The following CDK8 variants were observed in gnomAD, a reference collection of about 807,000 sequenced individuals.
CDK8 encodes the protein cyclin dependent kinase 8.
A neutral mutation model predicts 71.5 loss-of-function variants in CDK8; 29 were observed. The observed-to-expected ratio is 0.41, with a 90% CI of 0.30 to 0.55. The LOEUF (loss-of-function observed/expected upper bound fraction) is 0.55, where lower values mean the gene tolerates loss of function less well. Ranked by LOEUF, CDK8 falls within the 20% of genes least tolerant of loss-of-function variation. The pLI is 0.37. For missense variants in CDK8, 288 were observed against 572.6 expected, an observed-to-expected ratio of 0.50 and a Z score of 5.07; for synonymous variants, 161 against 192.1, an observed-to-expected ratio of 0.84 and a Z score of 1.34.
intron 1 of CDK8, among the ~76,000 whole-genome samples, chr13:26,303,554 C>T (rs533415109): frequency 2.6e-4 from 39 of 152,110 alleles, no homozygotes; most frequent in African/African-American, 7.0e-4. Context: ...TGAGCCACCA[C>T]GCCTGGCCTA....
chr13:26,389,866 C>T (rs1455580212), intron 6 of CDK8, among the ~76,000 whole-genome samples: 4 of 151,928 alleles, frequency 2.6e-5, no homozygotes, highest in African/African-American at 4.8e-5. Flanking sequence ...GGCATGGTGG[C>T]GGGCACCTGT....
intron 1 of CDK8, among the ~76,000 whole-genome samples, chr13:26,268,790 A>C (rs1872161266): frequency 6.6e-6 from 1 of 152,126 alleles, no homozygotes; most frequent in African/African-American, 2.4e-5. Context: ...ATTTGTGACA[A>C]ATGATTGATG....
chr13:26,288,169 G>A (rs1413438273), intron 1 of CDK8, among the ~76,000 whole-genome samples: 2 of 152,060 alleles, frequency 1.3e-5, no homozygotes, highest in African/African-American at 2.4e-5. Context: ...TCACCATGCT[G>A]GCCAGGCTGA....
chr13:26,387,828 G>A (rs191772360), intron 6 of CDK8, among the ~76,000 whole-genome samples: 1 of 152,102 alleles, frequency 6.6e-6, no homozygotes, highest in African/African-American at 2.4e-5. Context: ...GGATTACATA[G>A]TCTAAAATAG....
At chr13:26,391,305 C>T (rs773852134) in intron 6 of CDK8, among the ~76,000 whole-genome samples, 9 of 152,052 alleles carry the variant, frequency 5.9e-5, no homozygotes, top group Non-Finnish European at 8.8e-5. Flanking sequence ...TAGGGTCTTG[C>T]TATGTTGTCA....
At chr13:26,297,215 T>C (rs1040163726) in intron 1 of CDK8, among the ~76,000 whole-genome samples, 2 of 152,210 alleles carry the variant, frequency 1.3e-5, no homozygotes, top group African/African-American at 4.8e-5. Flanking sequence ...TCACTCTGAT[T>C]GTATGCTTTG....
chr13:26,290,483 C>A (rs1873242856), intron 1 of CDK8, among the ~76,000 whole-genome samples: 1 of 152,170 alleles, frequency 6.6e-6, no homozygotes, highest in Non-Finnish European at 1.5e-5. Flanking sequence ...AAACGGTCAT[C>A]ACACCCAGAC....
intron 1 of CDK8, among the ~76,000 whole-genome samples, chr13:26,271,806 CTTTTTTTTTTTTTTTTTTTTTTTTTT>C (rs58160694): frequency 1.6e-5 from 1 of 62,684 alleles, no homozygotes; most frequent in African/African-American, 8.7e-5. Flanking sequence ...GAGACCCTGT[CTTTTTTTTTTTTTTTTTTTTTTTTTT>C]TTTTTTTTTT....
intron 1 of CDK8, among the ~76,000 whole-genome samples, chr13:26,324,473 A>C (rs950043616): frequency 1.3e-5 from 2 of 152,212 alleles, no homozygotes; most frequent in Non-Finnish European, 2.9e-5. Context: ...TTATAGTAAC[A>C]CTTGGAGTAT....
chr13:26,289,285 C>T (rs1449257252), intron 1 of CDK8, among the ~76,000 whole-genome samples: 1 of 151,688 alleles, frequency 6.6e-6, no homozygotes, highest in Non-Finnish European at 1.5e-5. Flanking sequence ...AATCTCCTGA[C>T]CTCGTGAACC....
chr13:26,393,010 G>A (rs1875823741), intron 6 of CDK8, among the ~76,000 whole-genome samples: 1 of 152,068 alleles, frequency 6.6e-6, no homozygotes, highest in Non-Finnish European at 1.5e-5. Context: ...TGCTCCATAT[G>A]CAGCTTTACT....
intron 1 of CDK8, among the ~76,000 whole-genome samples, chr13:26,262,516 C>A (rs1197067350): frequency 6.6e-6 from 1 of 152,070 alleles, no homozygotes; most frequent in African/African-American, 2.4e-5. Flanking sequence ...CCAGGAGAAG[C>A]AAAATTTGAT....
At chr13:26,347,413 A>C (rs1873504305) in intron 2 of CDK8, among the ~76,000 whole-genome samples, 2 of 152,190 alleles carry the variant, frequency 1.3e-5, no homozygotes, top group African/African-American at 4.8e-5. Context: ...AATGTTGCAA[A>C]TATTCTTTGA....
intron 1 of CDK8, among the ~76,000 whole-genome samples, chr13:26,272,229 C>T (rs1872361713): frequency 2.0e-5 from 3 of 151,894 alleles, no homozygotes; most frequent in Admixed American, 6.5e-5. Flanking sequence ...TAGTGGGTCA[C>T]ACCTGTAATC....
intron 1 of CDK8, among the ~76,000 whole-genome samples, chr13:26,277,829 G>A (rs1246481895): frequency 6.6e-6 from 1 of 152,144 alleles, no homozygotes; most frequent in African/African-American, 2.4e-5. Flanking sequence ...GTTACTAAAT[G>A]GAATTAAGCT....
At chr13:26,373,922 C>T (rs1360469345) in intron 4 of CDK8, among the ~76,000 whole-genome samples, 1 of 150,190 alleles carries the variant, frequency 6.7e-6, no homozygotes. Flanking sequence ...TGGCTCACGC[C>T]TGTAATCCCA....
intron 2 of CDK8, among the ~76,000 whole-genome samples, chr13:26,345,697 T>C (rs1873435737): frequency 6.6e-6 from 1 of 152,190 alleles, no homozygotes; most frequent in African/African-American, 2.4e-5. Context: ...ATTTTTATAT[T>C]TTTAGTAAAT....
intron 1 of CDK8, among the ~76,000 whole-genome samples, chr13:26,310,561 C>G (rs1465214610): frequency 6.6e-6 from 1 of 152,056 alleles, no homozygotes; most frequent in Admixed American, 6.6e-5. Flanking sequence ...AGATCCCTCG[C>G]ATACAGTTCA....
intron 6 of CDK8, among the ~76,000 whole-genome samples, chr13:26,390,464 A>G (rs1226162495): frequency 6.6e-6 from 1 of 152,238 alleles, no homozygotes; most frequent in Non-Finnish European, 1.5e-5. Context: ...ATAATAGGTT[A>G]GTAAACATTG....
Sources: allele counts gnomAD v4.1 joint callset (sites outside exome capture counted in the v4.1 genomes callset), GRCh38; gene constraint gnomAD v4.1.1; transcripts MANE v1.5; gene names NCBI Gene and HGNC (gene_info 2026-07-23, HGNC 2026-07-21).